Variants in CPA1 observed in about 807,000 individuals in gnomAD.
The protein encoded by CPA1 is carboxypeptidase A1 (pancreatic).
Under a neutral mutation model 48.7 loss-of-function variants are expected in CPA1, and 42 were observed. The observed-to-expected ratio is 0.86, with a 90% CI of 0.67 to 1.11. The LOEUF (loss-of-function observed/expected upper bound fraction) is 1.11, where lower values mean the gene tolerates loss of function less well. Among genes scored for constraint, CPA1 ranks in the 50% most tolerant of loss-of-function variants. The pLI is 0.00. For synonymous variants in CPA1, 203 were observed against 217.9 expected (o/e 0.93, Z 0.60); for missense variants, 477 against 544.7 (o/e 0.88, Z 1.24).
intron 4 of CPA1, among the ~76,000 whole-genome samples, chr7:130,382,927 G>A (rs1796425500): frequency 6.6e-6 from 1 of 152,100 alleles, no homozygotes; most frequent in South Asian, 2.1e-4. Flanking sequence ...GCAGGCATGA[G>A]CCACTGCGCC....
intron 2 of CPA1, 33 bp from the exon 3 acceptor site, chr7:130,381,597 C>A: frequency 1.3e-6 from 2 of 1,556,924 alleles, no homozygotes; most frequent in Non-Finnish European, 1.8e-6. Context: ...GCCCCCAGCC[C>A]GCTGTGACCG....
At position 130,380,937 on chromosome 7, in the gene CPA1, C is replaced by A. The variant is rs1265232674; in HGVS notation, c.66-161C>A. On this transcript the variant is annotated intron_variant, in intron 1 of 9. Transcript: ENST00000011292. ...GAGAGAAGAGGTGAGGGAGCCCAGG[C>A]CTCTCCTTGTTGAGACCCTTGGTGC... 38 of 646,448 alleles carry A rather than the reference C, an allele frequency of 5.9e-5. No homozygotes were observed. The African/African-American group carries it at 6.6e-4, about 11-fold the overall frequency. 40.0% of individuals were successfully genotyped at this position (646,448 alleles called of 1,614,324 possible).
Position 130,383,961 on chromosome 7 carries a change from G to A in CPA1, c.696+167G>A, listed in dbSNP as rs1410038704. 13 of 635,608 alleles carry A rather than the reference G, an allele frequency of 2.0e-5. No individual in the cohort carries two copies. The East Asian group carries it at 3.5e-4, about 17-fold the overall frequency. 39.4% of individuals were successfully genotyped at this position (635,608 alleles called of 1,614,324 possible). A position where few individuals can be genotyped will look rare whatever the true frequency, so the allele number is the denominator to read the frequency against. ...CAGTGGCGTGATTGGCATTTGGGGTGAATGATTCTTTGTCATGGGGGCTGT... is the reference window on the plus strand; with the variant it reads ...CAGTGGCGTGATTGGCATTTGGGGTAAATGATTCTTTGTCATGGGGGCTGT... On this transcript the variant is annotated intron_variant, in intron 6 of 9. Transcript: ENST00000011292.
Position 130,381,082 on chromosome 7 carries a change from C to T in CPA1, c.66-16C>T. The T allele has an allele frequency of 6.2e-7, 1 of 1,610,618 alleles. No individual in the cohort carries two copies. Among genetic ancestry groups the T allele is most frequent in the South Asian group, 1.1e-5 (1 of 90,496 alleles). ...GTGCAGCTTGGGTGCTCACTCCCCA[C>T]TCCCACTCTGCCCAGGCATCAGGTG... On this transcript the variant is annotated splice_polypyrimidine_tract_variant and intron_variant, in intron 1 of 9. Transcript: ENST00000011292.
chr7:130,380,607 G>A, intron 1 of CPA1, 22 bp downstream of exon 1: 1 of 1,273,518 alleles, frequency 7.9e-7, no homozygotes, highest in Non-Finnish European at 1.0e-6. Flanking sequence ...GAGAGGAGGG[G>A]GTGCCCTCTG....
rs1459226203 is a variant in CPA1, at chr7:130,381,183, A to C, written c.147+4A>C. On this transcript the variant is annotated splice_donor_region_variant and intron_variant, in intron 2 of 9. Coordinates refer to ENST00000011292, the MANE Select transcript of CPA1 (RefSeq NM_001868.4). ...GGAGGACCTGGAGCACCTGCAGGTCAGAAGAGGGGAGAAGGGCTCTCTGAG... is the reference window on the plus strand; with the variant it reads ...GGAGGACCTGGAGCACCTGCAGGTCCGAAGAGGGGAGAAGGGCTCTCTGAG... 4 of 1,606,192 alleles carry C rather than the reference A, an allele frequency of 2.5e-6. No homozygotes were observed. The highest frequency in any genetic ancestry group is 3.4e-6 in the Non-Finnish European group (4 of 1,174,268).
At position 130,385,300 on chromosome 7, in the gene CPA1, T is replaced by C. The variant is rs1796460569; in HGVS notation, c.942T>C (p.Tyr314=). Residue 314 remains tyrosine (Y), a synonymous_variant, in exon 8 of 10, where the codon TAT becomes TAC. Coordinates refer to ENST00000011292, the MANE Select transcript of CPA1 (RefSeq NM_001868.4). ...SIHSYSQLLM[Y]PYGYKTEPVP... ...ACAGCTACTCCCAGCTCCTCATGTA[T>C]CCCTATGGCTACAAAACAGAACCAG... 1 of 1,614,146 alleles carries C rather than the reference T, an allele frequency of 6.2e-7. No individual in the cohort carries two copies. The highest frequency in any genetic ancestry group is 1.3e-5 in the African/African-American group (1 of 75,032).
rs1554411595 is a variant in CPA1 at position 130,383,756 on chromosome 7, G to A, written c.658G>A (p.Val220Ile). 1.9e-6 allele frequency: 3 copies of A among 1,614,140 alleles called. No homozygotes were observed. The highest frequency in any genetic ancestry group is 4.5e-5 in the East Asian group (2 of 44,880). Residue 220 changes from valine to isoleucine, a missense_variant, in exon 6 of 10, where the codon GTC becomes ATC. Coordinates refer to ENST00000011292, the MANE Select transcript of CPA1 (RefSeq NM_001868.4). ...LDTLDIFLEI[V>I]TNPDGFAFTH... ...CACCTTGGACATCTTCCTGGAGATC[G>A]TCACCAACCCTGATGGCTTTGCCTT...
chr7:130,386,776 C>A (rs1192601646), intron 9 of CPA1, among the ~76,000 whole-genome samples: 3 of 152,092 alleles, frequency 2.0e-5, no homozygotes, highest in Non-Finnish European at 4.4e-5. Flanking sequence ...GGGAGACCAA[C>A]AATGAACATA....
rs1554411309 is a variant in CPA1 at position 130,382,131 on chromosome 7, G to C, written c.405G>C (p.Leu135=). The part of the protein sequence containing the change: ...LEEIYDFLDL[L]VAENPHLVSK... ...AGATCTATGACTTCCTGGACCTGCT[G>C]GTGGCGGAGAACCCGCACCTTGTCA... is the stretch of plus-strand genomic sequence containing the variant. Residue 135 remains leucine, a synonymous_variant, in exon 4 of 10, where the codon CTG becomes CTC. Transcript: ENST00000011292. The C allele has an allele frequency of 1.9e-5, 30 of 1,614,050 alleles. No homozygotes were observed. Among genetic ancestry groups the C allele is most frequent in the Non-Finnish European group, 2.4e-5 (28 of 1,180,008 alleles).
In CPA1 at chr7:130,383,332, A is replaced by G. The variant is rs1231012010; in HGVS notation, c.484-59A>G. On this transcript the variant is annotated intron_variant, in intron 4 of 9. Coordinates refer to ENST00000011292, the MANE Select transcript of CPA1 (RefSeq NM_001868.4). The stretch of plus-strand genomic sequence containing the variant: ...CCCAGGTCGGGGTCTCCTTCAGGGC[A>G]GCAAGATGAGGCCTCAGCTGTGAAA... The G allele has an allele frequency of 2.8e-6, 4 of 1,409,020 alleles. No homozygotes were observed. In the African/African-American group the frequency reaches 5.6e-5, roughly 20 times the overall value. The allele number at this position is 1,409,020 out of a possible 1,614,324, so 87.3% of individuals were successfully genotyped here. A position where few individuals can be genotyped will look rare whatever the true frequency, so the allele number is the denominator to read the frequency against.
At position 130,380,530 on chromosome 7, in the gene CPA1, T is replaced by C; in HGVS notation, c.10T>C (p.Leu4=). 7.6e-7 allele frequency: 1 copy of C among 1,314,948 alleles called. No homozygotes were observed. Among genetic ancestry groups the C allele is most frequent in the Non-Finnish European group, 9.8e-7 (1 of 1,023,778 alleles). The allele number at this position is 1,314,948 out of a possible 1,614,324, so 81.5% of individuals were successfully genotyped here. The change falls in exon 1 of 10, where the codon TTG becomes CTG. Residue 4 remains leucine, a synonymous_variant. Coordinates refer to ENST00000011292, the MANE Select transcript of CPA1 (RefSeq NM_001868.4). ...CCCTCCCGGCAGCAGCATGCGGGGG[T>C]TGCTGGTGTTGAGTGTCCTGTTGGG... The part of the protein sequence containing the change: MRG[L]LVLSVLLGAV...
chr7:130,385,810 C>G (rs1554411920), intron 8 of CPA1, 29 bp from the exon 9 acceptor site: 1 of 1,597,302 alleles, frequency 6.3e-7, no homozygotes, highest in Non-Finnish European at 8.6e-7. Context: ...CTGGCCATGA[C>G]AGGTGGCTTT....
chr7:130,386,154 T>C (rs928821241), intron 9 of CPA1, among the ~76,000 whole-genome samples: 5 of 152,120 alleles, frequency 3.3e-5, no homozygotes, highest in Admixed American at 2.0e-4. Flanking sequence ...TCCTCTTGTG[T>C]TGGGGCCAAG....
At position 130,387,975 on chromosome 7, in the gene CPA1, G is replaced by A. The variant is rs1554412255; in HGVS notation, c.1224G>A (p.Leu408=). 2 of 1,614,042 alleles carry A rather than the reference G, an allele frequency of 1.2e-6. No individual in the cohort carries two copies. Among genetic ancestry groups the A allele is most frequent in the East Asian group, 4.5e-5 (2 of 44,872 alleles). The stretch of plus-strand genomic sequence containing the variant: ...CCAAGGAGACGTGGCTGGCGCTTCT[G>A]ACCATCATGGAGCACACCCTGAATC... ...PTAKETWLAL[L]TIMEHTLNHP... is the part of the protein sequence containing the mutation. Residue 408 remains leucine, a synonymous_variant, in exon 10 of 10, where the codon CTG becomes CTA. Coordinates refer to ENST00000011292, the MANE Select transcript of CPA1 (RefSeq NM_001868.4). This position sits in a 1 kb window ranked among gnomAD's most constrained non-coding sequence, Gnocchi z 4.6.
chr7:130,381,234 C>A, intron 2 of CPA1, 55 bp downstream of exon 2: 1 of 1,289,420 alleles, frequency 7.8e-7, no homozygotes, highest in Non-Finnish European at 1.1e-6. Context: ...CTGGGGCCAC[C>A]CCAGGTCCCC....
intron 1 of CPA1, 35 bp downstream of exon 1, chr7:130,380,620 G>A (rs1382485395): frequency 1.0e-5 from 12 of 1,201,534 alleles, no homozygotes; most frequent in Non-Finnish European, 1.2e-5. Context: ...GCCCTCTGAG[G>A]GTGATGGGGA....
At chr7:130,380,987 G>A (rs1388190176) in intron 1 of CPA1, 111 bp from the exon 2 acceptor site, 6 of 845,590 alleles carry the variant, frequency 7.1e-6, no homozygotes, top group Admixed American at 6.0e-5. Flanking sequence ...CCCAGAGGAC[G>A]AGGCCCAGTC....
At position 130,387,149 on chromosome 7, in the gene CPA1, C is replaced by A. The variant is rs1407027916; in HGVS notation, c.1073-675C>A. Among the ~76,000 whole-genome samples the A allele has an allele frequency of 6.6e-6, 1 of 152,204 alleles. No homozygotes were observed. The highest frequency in any genetic ancestry group is 1.5e-5 in the Non-Finnish European group (1 of 68,040). ...GGGGCAGGGCTGCGTACACACCTCA[C>A]ACGCTTCCTGCCTGAGTGCCTAGGC... On this transcript the variant is annotated intron_variant, in intron 9 of 9. Transcript: ENST00000011292. This position sits in a 1 kb window ranked among gnomAD's most constrained non-coding sequence, Gnocchi z 4.6.
Sources: allele counts gnomAD v4.1 joint callset (sites outside exome capture counted in the v4.1 genomes callset), GRCh38; gene constraint gnomAD v4.1.1; non-coding constraint Gnocchi (gnomAD v3.1); transcripts MANE v1.5; gene names NCBI Gene and HGNC (gene_info 2026-07-23, HGNC 2026-07-21).